ATP2B2: variants seen among roughly 807,000 people sequenced by gnomAD.
The protein encoded by ATP2B2 is ATPase plasma membrane Ca2+ transporting 2, also known as plasma membrane calcium-transporting ATPase 2.
Under a neutral mutation model 120.0 loss-of-function variants are expected in ATP2B2, and 15 were observed. The observed-to-expected ratio is 0.12, with a 90% CI of 0.08 to 0.19. ATP2B2 has a LOEUF of 0.19. Ranked by LOEUF, ATP2B2 falls within the 10% of genes least tolerant of loss-of-function variation. The pLI is 1.00. For synonymous variants in ATP2B2, 694 were observed against 700.3 expected (o/e 0.99, Z 0.14); for missense variants, 1,045 against 1,719.8 (o/e 0.61, Z 6.94).
rs553971782 is a variant in ATP2B2, at chr3:10,609,325, G to A, written c.-415+10592C>T. On this transcript the variant is annotated intron_variant, in intron 2 of 21. Coordinates refer to the ATP2B2 transcript ENST00000646379. Reference sequence around the variant, plus strand: ...CTCTGGCTGCCAGCAGCAGGGCAGAGACACAGAGAGCCGCTGCTGCAGAGC... The same window carrying A: ...CTCTGGCTGCCAGCAGCAGGGCAGAAACACAGAGAGCCGCTGCTGCAGAGC... 3.3e-5 allele frequency among the ~76,000 whole-genome samples: 5 copies of A among 152,038 alleles called. No individual in the cohort carries two copies. The South Asian group carries it at 6.2e-4, about 19-fold the overall frequency.
At chr3:10,684,954 G>A (rs956557065) in intron 1 of ATP2B2, among the ~76,000 whole-genome samples, 1 of 152,152 alleles carries the variant, frequency 6.6e-6, no homozygotes, top group African/African-American at 2.4e-5. Context: ...GAGGGGACAG[G>A]GACAAACTAA....
upstream of ATP2B2, among the ~76,000 whole-genome samples, chr3:10,506,360 G>A (rs1421816652): frequency 1.3e-5 from 2 of 152,158 alleles, no homozygotes; most frequent in Non-Finnish European, 2.9e-5. Context: ...GTGTCTGCAT[G>A]TCTGTACACC....
intron 2 of ATP2B2, among the ~76,000 whole-genome samples, chr3:10,538,998 T>C (rs1162669922): frequency 1.3e-5 from 2 of 152,192 alleles, no homozygotes; most frequent in Non-Finnish European, 2.9e-5. Flanking sequence ...GCCCAAAATC[T>C]TCTTAAGCTA....
At chr3:10,522,338 G>A (rs182059175) in intron 3 of ATP2B2, among the ~76,000 whole-genome samples, 46 of 152,228 alleles carry the variant, frequency 3.0e-4, no homozygotes, top group African/African-American at 1.1e-3. Flanking sequence ...TTAGCTAGTT[G>A]TCTCAAGATC....
At chr3:10,684,249 T>C (rs1171189358) in intron 1 of ATP2B2, among the ~76,000 whole-genome samples, 1 of 152,202 alleles carries the variant, frequency 6.6e-6, no homozygotes, top group Non-Finnish European at 1.5e-5. Flanking sequence ...AGGAGAAGAC[T>C]AATCTTTGTT....
Position 10,590,671 on chromosome 3 carries a change from G to A in ATP2B2, c.-415+29246C>T, listed in dbSNP as rs534702259. Among the ~76,000 whole-genome samples the A allele has an allele frequency of 1.8e-4, 28 of 152,360 alleles. 1 individual carries two copies. In the South Asian group the frequency reaches 5.6e-3, roughly 30 times the overall value. On this transcript the variant is annotated intron_variant, in intron 2 of 21. Coordinates refer to the ATP2B2 transcript ENST00000646379. The stretch of plus-strand genomic sequence containing the variant: ...TCAGTGGCCACCCAGGGCCATGGGA[G>A]CAATGGATTTCTGTGGGTTCTCCTG...
At chr3:10,382,415 C>T (rs2061557508) in intron 8 of ATP2B2, among the ~76,000 whole-genome samples, 2 of 151,680 alleles carry the variant, frequency 1.3e-5, no homozygotes, top group Admixed American at 1.3e-4. Flanking sequence ...GGCATGATCT[C>T]AGCTCACTGC....
At chr3:10,546,009 C>T (rs12629428) in intron 2 of ATP2B2, among the ~76,000 whole-genome samples, 32,601 of 152,128 alleles carry the variant, frequency 0.21, 4,465 homozygotes, top group East Asian at 0.46. Flanking sequence ...GGGAAAGATA[C>T]AGTATTCCCC....
chr3:10,572,914 A>C (rs1347022262), intron 2 of ATP2B2, among the ~76,000 whole-genome samples: 1 of 152,200 alleles, frequency 6.6e-6, no homozygotes, highest in Non-Finnish European at 1.5e-5. Flanking sequence ...CTCCAAGTCC[A>C]GTGCTCTTTC....
chr3:10,468,019 C>T (rs994078150), intron 1 of ATP2B2, among the ~76,000 whole-genome samples: 2 of 152,224 alleles, frequency 1.3e-5, no homozygotes, highest in Non-Finnish European at 2.9e-5. Flanking sequence ...AGTCCCAAGG[C>T]TGTGCACATG....
chr3:10,486,326 T>TGTGTGCGTGC (rs386417995), intron 1 of ATP2B2, among the ~76,000 whole-genome samples: 12 of 104,992 alleles, frequency 1.1e-4, no homozygotes, highest in African/African-American at 1.5e-4. Context: ...TGTGCGTGCG[T>TGTGTGCGTGC]GTGTGTGTGT....
chr3:10,401,209 G>A (rs1328653650), intron 4 of ATP2B2, 131 bp from the exon 5 acceptor site: 2 of 1,248,100 alleles, frequency 1.6e-6, no homozygotes, highest in Non-Finnish European at 2.2e-6. Flanking sequence ...CCAGGGTGTA[G>A]GAACCAAGAT....
In ATP2B2 at chr3:10,359,044, C is replaced by T; in HGVS notation, c.1902-119G>A. 3 of 953,114 alleles carry T rather than the reference C, an allele frequency of 3.1e-6. No homozygotes were observed. The Admixed American group carries it at 6.6e-5, about 21-fold the overall frequency. 59.0% of individuals were successfully genotyped at this position (953,114 alleles called of 1,614,324 possible). A position where few individuals can be genotyped will look rare whatever the true frequency, so the allele number is the denominator to read the frequency against. On this transcript the variant is annotated intron_variant, in intron 13 of 22. Coordinates refer to ENST00000360273, the MANE Select transcript of ATP2B2 (RefSeq NM_001001331.4). ...CTGTGGCTGGTCATCCAGTGCCCAT[C>T]TAGTTCATCCCCCAGGCAGGGTGAA...
intron 1 of ATP2B2, among the ~76,000 whole-genome samples, chr3:10,702,782 A>C (rs1279158350): frequency 6.6e-6 from 1 of 152,220 alleles, no homozygotes; most frequent in Non-Finnish European, 1.5e-5. Context: ...CACAGTATTT[A>C]TAGCACCTGA....
chr3:10,461,037 A>G (rs894860655), intron 1 of ATP2B2, among the ~76,000 whole-genome samples: 1 of 152,204 alleles, frequency 6.6e-6, no homozygotes, highest in Non-Finnish European at 1.5e-5. Flanking sequence ...AAGTCTTTCT[A>G]TGTGTTCCAA....
At chr3:10,606,337 C>T (rs2069065529) in intron 2 of ATP2B2, among the ~76,000 whole-genome samples, 1 of 152,102 alleles carries the variant, frequency 6.6e-6, no homozygotes, top group Non-Finnish European at 1.5e-5. Context: ...GGAGGCAATG[C>T]ATGTCAAGAG....
chr3:10,532,668 T>C (rs55932554), intron 3 of ATP2B2, among the ~76,000 whole-genome samples: 7,104 of 152,322 alleles, frequency 0.047, 272 homozygotes, highest in East Asian at 0.2. Flanking sequence ...AATTATGTAA[T>C]GTGTTTGGAA....
chr3:10,379,117 C>G (rs771264123), intron 9 of ATP2B2, 126 bp downstream of exon 9: 40 of 1,185,810 alleles, frequency 3.4e-5, no homozygotes, highest in Non-Finnish European at 4.8e-5. Context: ...CCAAGGTCGT[C>G]AGACACCTGT....
At chr3:10,680,368 A>T (rs1185670229) in intron 1 of ATP2B2, among the ~76,000 whole-genome samples, 1 of 151,742 alleles carries the variant, frequency 6.6e-6, no homozygotes, top group Non-Finnish European at 1.5e-5. Context: ...AGGTTGTCAC[A>T]GACCAGTGCA....
Sources: gnomAD v4.1 joint callset for allele counts (sites outside exome capture counted in the v4.1 genomes callset) on GRCh38, gnomAD v4.1.1 for gene constraint, MANE v1.5 for transcripts, NCBI Gene and HGNC (gene_info 2026-07-23, HGNC 2026-07-21) for gene names.